MCM8: variants seen among roughly 807,000 people sequenced by gnomAD.
MCM8 encodes the protein DNA helicase MCM8.
In MCM8, 85 loss-of-function variants were observed where a neutral mutation model predicts 98.9. The ratio of observed to expected loss-of-function variants is 0.86; its 90% CI spans 0.72 to 1.03. The LOEUF (loss-of-function observed/expected upper bound fraction) is 1.03, where lower values mean the gene tolerates loss of function less well. Among genes scored for constraint, MCM8 ranks in the 50% least tolerant of loss-of-function variants. The pLI is 0.00. For synonymous variants in MCM8, 352 were observed against 338.6 expected (o/e 1.04, Z -0.44); for missense variants, 951 against 997.8 (o/e 0.95, Z 0.63).
Position 5,983,132 on chromosome 20 carries a change from A to G in MCM8, c.1700A>G (p.Tyr567Cys). The G allele has an allele frequency of 6.2e-7, 1 of 1,613,642 alleles. No individual in the cohort carries two copies. The highest frequency in any genetic ancestry group is 8.5e-7 in the Non-Finnish European group (1 of 1,179,872). ...GCTGCAAATCCAGTTGGAGGACATTACAATAAAGCCAAAACAGTTTCTGAG... is the reference window on the plus strand; with the variant it reads ...GCTGCAAATCCAGTTGGAGGACATTGCAATAAAGCCAAAACAGTTTCTGAG... ...IAAANPVGGH[Y>C]NKAKTVSENL... Residue 567 changes from tyrosine (Y) to cysteine (C), a missense_variant, in exon 14 of 19, where the codon TAC becomes TGC. By Grantham distance (194) the Tyr-to-Cys change is radical (BLOSUM62 -2). Transcript: ENST00000610722.
chr20:5,980,335 T>C (rs1188745506), intron 13 of MCM8, among the ~76,000 whole-genome samples: 2 of 152,186 alleles, frequency 1.3e-5, no homozygotes, highest in Non-Finnish European at 2.9e-5. Flanking sequence ...AATTTTGTCT[T>C]TTCAGTGCCA....
At chr20:5,988,713 G>A (rs16991627) in intron 17 of MCM8, among the ~76,000 whole-genome samples, 3,591 of 152,172 alleles carry the variant, frequency 0.024, 131 homozygotes, top group African/African-American at 0.077. Flanking sequence ...TCTGTTAGGA[G>A]TCTACTTTTC....
chr20:5,982,140 G>A (rs1486979157), intron 13 of MCM8, among the ~76,000 whole-genome samples: 2 of 152,142 alleles, frequency 1.3e-5, no homozygotes, highest in African/African-American at 4.8e-5. Flanking sequence ...GGAATGTCAT[G>A]TCTATTGCAC....
At chr20:5,972,154 C>T in intron 11 of MCM8, 117 bp downstream of exon 11, 2 of 626,752 alleles carry the variant, frequency 3.2e-6, no homozygotes, top group South Asian at 2.2e-5. Context: ...TCTTAATATG[C>T]TTTGTAAATT....
At chr20:5,982,894 CA>C in intron 13 of MCM8, 75 bp from the exon 14 acceptor site, 4 of 1,210,684 alleles carry the variant, frequency 3.3e-6, no homozygotes, top group Non-Finnish European at 4.7e-6. Context: ...TATTGTGAAA[CA>C]ATTTCTATCC....
At chr20:5,960,493 ATTG>A (rs758531384) in intron 7 of MCM8, among the ~76,000 whole-genome samples, 7 of 152,126 alleles carry the variant, frequency 4.6e-5, no homozygotes, top group South Asian at 4.1e-4. Flanking sequence ...GATACTAATT[ATTG>A]TTGATTATAT....
chr20:5,977,947 A>G lies in MCM8; in HGVS notation c.1467A>G (p.Val489=). ...CCACGACCACCTCTGGTCTGACGGT[A>G]ACTCTTTCAAAAGATAGTTCCTCTG... is the stretch of plus-strand genomic sequence containing the variant. ...GNTTTTSGLT[V]TLSKDSSSGD... Residue 489 remains valine, a synonymous_variant, in exon 13 of 19, where the codon GTA becomes GTG. Coordinates refer to ENST00000610722, the MANE Select transcript of MCM8 (RefSeq NM_032485.6). The G allele has an allele frequency of 3.1e-6, 5 of 1,614,210 alleles. No homozygotes were observed. The highest frequency in any genetic ancestry group is 3.4e-6 in the Non-Finnish European group (4 of 1,180,020).
Position 5,973,079 on chromosome 20 carries a change from A to T in MCM8, c.1278A>T (p.Leu426Phe). ...GHELVKAGLA[L>F]ALFGGSQKYA... ...AGCTTGTTAAAGCAGGTTTGGCATT[A>T]GCACTCTTTGGAGGAAGCCAGAAAT... The change falls in exon 12 of 19, where the codon TTA (leucine) becomes TTT (phenylalanine). Residue 426 changes from leucine (L) to phenylalanine (F), a missense_variant. Leu to Phe is a conservative substitution (Grantham distance 22, BLOSUM62 0). Transcript: ENST00000610722. 6.2e-7 allele frequency: 1 copy of T among 1,614,210 alleles called. No homozygotes were observed. Among genetic ancestry groups the T allele is most frequent in the Non-Finnish European group, 8.5e-7 (1 of 1,180,028 alleles).
chr20:5,965,047 G>A (rs545771910), intron 8 of MCM8: 2 of 152,124 alleles, frequency 1.3e-5, no homozygotes, highest in South Asian at 2.1e-4. Context: ...GACTTTCTCC[G>A]TTCCGACATT....
At chr20:5,969,611 G>T (rs898956771) in intron 10 of MCM8, among the ~76,000 whole-genome samples, 9 of 146,268 alleles carry the variant, frequency 6.2e-5, no homozygotes, top group African/African-American at 2.0e-4. Flanking sequence ...AAAAAAAAAA[G>T]TGATTTTGTC....
chr20:5,954,492 A>C (rs1600238368), intron 3 of MCM8, 116 bp from the exon 4 acceptor site: 2 of 518,556 alleles, frequency 3.9e-6, no homozygotes, highest in East Asian at 3.0e-5. Context: ...TGTAATCAAA[A>C]TACAAAGCAA....
Position 5,993,624 on chromosome 20 carries a change from G to A in MCM8, c.2359G>A (p.Ala787Thr). The A allele has an allele frequency of 3.1e-6, 5 of 1,612,020 alleles. No homozygotes were observed. The highest frequency in any genetic ancestry group is 4.2e-6 in the Non-Finnish European group (5 of 1,178,624). ...KRFISALNNV[A>T]ERTYNNIFQF... ...ATTTATTTCTGCTCTCAACAACGTT[G>A]CTGAAAGAACTTATAATAATATATT... is the stretch of plus-strand genomic sequence containing the variant. The change falls in exon 18 of 19, where the codon GCT becomes ACT. Residue 787 changes from alanine to threonine, a missense_variant. By Grantham distance (58) the Ala-to-Thr change is moderately conservative. Transcript: ENST00000610722.
intron 3 of MCM8, among the ~76,000 whole-genome samples, chr20:5,952,879 G>T (rs971517222): frequency 2.6e-5 from 4 of 152,208 alleles, no homozygotes; most frequent in Non-Finnish European, 5.9e-5. Context: ...GAAGTTCTGA[G>T]GTTACCAGAA....
intron 6 of MCM8, 117 bp downstream of exon 6, chr20:5,957,346 G>A: frequency 1.6e-6 from 1 of 622,654 alleles, no homozygotes; most frequent in Non-Finnish European, 2.7e-6. Context: ...TGAGTTCCTT[G>A]CCATCTCATT....
At chr20:5,969,549 G>C (rs751960541) in intron 10 of MCM8, among the ~76,000 whole-genome samples, 1 of 147,856 alleles carries the variant, frequency 6.8e-6, no homozygotes, top group Non-Finnish European at 1.5e-5. Flanking sequence ...CTGAAATCGC[G>C]CCACTGCACT....
At chr20:5,957,589 C>T (rs1401233795) in intron 6 of MCM8, among the ~76,000 whole-genome samples, 1 of 152,098 alleles carries the variant, frequency 6.6e-6, no homozygotes, top group Non-Finnish European at 1.5e-5. Context: ...AAACTTTGAG[C>T]CCTGACACGA....
intron 7 of MCM8, among the ~76,000 whole-genome samples, chr20:5,961,823 G>A (rs141165653): frequency 8.5e-5 from 13 of 152,278 alleles, no homozygotes; most frequent in African/African-American, 2.9e-4. Context: ...GTGTGATGTC[G>A]TGAAGAGGTC....
At position 5,967,589 on chromosome 20, in the gene MCM8, T is replaced by C. The variant is rs759731473; in HGVS notation, c.1027+2T>C. The stretch of plus-strand genomic sequence containing the variant: ...TCAAAGTCTCAAATGCGGAAGAAGG[T>C]AGGGTACAACTCTTTTCATTATTTG... On this transcript the variant is annotated splice_donor_variant, in intron 9 of 18. Coordinates refer to ENST00000610722, the MANE Select transcript of MCM8 (RefSeq NM_032485.6). LOFTEE classifies it high-confidence loss of function. 5.0e-6 allele frequency: 8 copies of C among 1,609,138 alleles called. No individual in the cohort carries two copies. Among genetic ancestry groups the C allele is most frequent in the Non-Finnish European group, 6.8e-6 (8 of 1,176,550 alleles).
At chr20:5,975,153 G>A (rs1021986510) in intron 12 of MCM8, among the ~76,000 whole-genome samples, 1 of 152,124 alleles carries the variant, frequency 6.6e-6, no homozygotes, top group South Asian at 2.1e-4. Context: ...CTGCTACTCC[G>A]GAGGCTGCAG....
Sources: allele counts gnomAD v4.1 joint callset (sites outside exome capture counted in the v4.1 genomes callset), GRCh38; gene constraint gnomAD v4.1.1; transcripts MANE v1.5; gene names NCBI Gene and HGNC (gene_info 2026-07-23, HGNC 2026-07-21).